The following ADGRL2 variants were observed in gnomAD, a reference collection of about 807,000 sequenced individuals.
The protein encoded by ADGRL2 is adhesion G protein-coupled receptor L2.
Under a neutral mutation model 157.4 loss-of-function variants are expected in ADGRL2, and 44 were observed. The ratio of observed to expected loss-of-function variants is 0.28; its 90% confidence interval spans 0.22 to 0.36. The LOEUF is 0.36. ADGRL2 is among the 10% of genes least tolerant of loss of function. The pLI, the probability that ADGRL2 is intolerant of heterozygous loss-of-function variation, is 1.00. For missense variants in ADGRL2, 1,510 were observed against 1,768.9 expected (o/e 0.85, Z 2.63); for synonymous variants, 585 against 624.7 (o/e 0.94, Z 0.95).
intron 2 of ADGRL2, among the ~76,000 whole-genome samples, chr1:81,783,479 A>G (rs796946224): frequency 6.7e-4 from 102 of 151,858 alleles, no homozygotes; most frequent in African/African-American, 2.3e-3. Context: ...CTTTGCCTCT[A>G]TCTTCTTCTT....
At chr1:81,819,268 T>C (rs1399060404) in intron 1 of ADGRL2, among the ~76,000 whole-genome samples, 1 of 152,060 alleles carries the variant, frequency 6.6e-6, no homozygotes, top group East Asian at 1.9e-4. Context: ...TTTGATTGAA[T>C]GCGAGGTAAA....
Position 81,865,939 on chromosome 1 carries a change from A to G in ADGRL2, c.73+28882A>G, listed in dbSNP as rs147370536. On this transcript the variant is annotated intron_variant, in intron 2 of 23. Transcript: ENST00000686636. ...ATGAAAACTTTTTGTGCCAACAGTC[A>G]TAAAATAGGGATCTTATTTTCTCCA... 4.0e-3 allele frequency among the ~76,000 whole-genome samples: 613 copies of G among 152,354 alleles called. 4 individuals carry two copies. Among genetic ancestry groups the G allele is most frequent in the African/African-American group, 0.013 (554 of 41,588 alleles).
intron 3 of ADGRL2, among the ~76,000 whole-genome samples, chr1:81,621,434 GAT>G (rs1317812177): frequency 1.3e-5 from 2 of 152,176 alleles, no homozygotes; most frequent in Non-Finnish European, 2.9e-5. Context: ...TGGAAAGAGA[GAT>G]TTTCCTGCTG....
chr1:81,634,940 C>T (rs2082087772), intron 3 of ADGRL2, among the ~76,000 whole-genome samples: 1 of 152,184 alleles, frequency 6.6e-6, no homozygotes, highest in Non-Finnish European at 1.5e-5. Flanking sequence ...AGCACTGTGT[C>T]TCTTTTTGTG....
rs112584230 is a variant in ADGRL2 at position 81,409,879 on chromosome 1, TC to T, written c.-301-35156del. On this transcript the variant is annotated intron_variant, in intron 1 of 24. Coordinates refer to the ADGRL2 transcript ENST00000370721. Reference sequence around the variant, plus strand: ...CAAGAGAGCACAGACACTTTGAAAATCTGCCCTTTTAGCCCCTGCCTTTGGT... The same window carrying T: ...CAAGAGAGCACAGACACTTTGAAAATTGCCCTTTTAGCCCCTGCCTTTGGT... Among the ~76,000 whole-genome samples the T allele has an allele frequency of 6.1e-3, 924 of 152,288 alleles. 10 individuals carry two copies. Among genetic ancestry groups the T allele is most frequent in the African/African-American group, 0.022 (895 of 41,544 alleles).
intron 1 of ADGRL2, among the ~76,000 whole-genome samples, chr1:81,421,882 A>G (rs1447888990): frequency 1.3e-5 from 2 of 152,190 alleles, no homozygotes; most frequent in Non-Finnish European, 2.9e-5. Flanking sequence ...TTTTTATGGC[A>G]TGCTTATTTT....
At chr1:81,553,389 A>C (rs946662410) in intron 2 of ADGRL2, among the ~76,000 whole-genome samples, 1 of 152,214 alleles carries the variant, frequency 6.6e-6, no homozygotes, top group South Asian at 2.1e-4. Context: ...CAGCTATGCA[A>C]AAATTTTTCA....
At chr1:81,779,793 T>C (rs1304605192) in intron 2 of ADGRL2, among the ~76,000 whole-genome samples, 1 of 152,152 alleles carries the variant, frequency 6.6e-6, no homozygotes, top group Non-Finnish European at 1.5e-5. Flanking sequence ...TTCCAATCAT[T>C]TCCATTTTAC....
chr1:81,332,346 A>T (rs994328547), intron 1 of ADGRL2, among the ~76,000 whole-genome samples: 3 of 152,128 alleles, frequency 2.0e-5, no homozygotes, highest in Admixed American at 6.6e-5. Flanking sequence ...TTTTATTATT[A>T]GTATATTTGA....
intron 2 of ADGRL2, among the ~76,000 whole-genome samples, chr1:81,540,341 A>T (rs1385919485): frequency 6.6e-6 from 1 of 152,230 alleles, no homozygotes; most frequent in East Asian, 1.9e-4. Context: ...TAATGCTTTT[A>T]AACAAATATG....
rs575553799 is a variant in ADGRL2 at position 81,498,070 on chromosome 1, T to C, written c.-248+52981T>C. On this transcript the variant is annotated intron_variant, in intron 2 of 24. Transcript: ENST00000370721. Reference sequence around the variant, plus strand: ...AATAATAATAATAATAATAAATGAATGTAGGAACCCTCATTATGAATGAGC... The same window carrying C: ...AATAATAATAATAATAATAAATGAACGTAGGAACCCTCATTATGAATGAGC... Among the ~76,000 whole-genome samples the C allele has an allele frequency of 5.3e-5, 8 of 152,208 alleles. No homozygotes were observed. In the South Asian group the frequency reaches 1.5e-3, roughly 28 times the overall value.
At chr1:81,668,340 G>T (rs771200257) in intron 3 of ADGRL2, among the ~76,000 whole-genome samples, 1 of 151,422 alleles carries the variant, frequency 6.6e-6, no homozygotes, top group African/African-American at 2.4e-5. Context: ...CAGAAGAATC[G>T]CATGAACCTG....
rs758334969 is a variant in ADGRL2 at position 81,990,507 on chromosome 1, G to A, written c.3772G>A (p.Val1258Met). The A allele has an allele frequency of 6.2e-7, 1 of 1,614,114 alleles. No homozygotes were observed. The highest frequency in any genetic ancestry group is 8.5e-7 in the Non-Finnish European group (1 of 1,179,992). The change falls in exon 24 of 24, where the codon GTG becomes ATG. Residue 1258 changes from valine to methionine, a missense_variant. Val to Met is a conservative substitution (Grantham distance 21). Transcript: ENST00000686636. ...TGACTATAATGACAGCGTGCAAGTT[G>A]TGGACTGTGGACTAAGTCTGAATGA... The part of the protein sequence containing the change: ...KGDYNDSVQV[V>M]DCGLSLNDTA...
At chr1:81,825,399 A>C (rs955470347) in intron 1 of ADGRL2, among the ~76,000 whole-genome samples, 2 of 151,932 alleles carry the variant, frequency 1.3e-5, no homozygotes, top group African/African-American at 4.8e-5. Flanking sequence ...GCCAGGCTGG[A>C]GTGCAGTGGC....
At chr1:81,322,565 C>T (rs1030337525) in intron 1 of ADGRL2, among the ~76,000 whole-genome samples, 5 of 151,998 alleles carry the variant, frequency 3.3e-5, no homozygotes, top group African/African-American at 1.2e-4. Flanking sequence ...AGAATACCAC[C>T]ACCTTAGGCT....
At chr1:81,682,875 T>C (rs904863125) in intron 3 of ADGRL2, among the ~76,000 whole-genome samples, 23 of 152,208 alleles carry the variant, frequency 1.5e-4, no homozygotes, top group African/African-American at 5.3e-4. Flanking sequence ...CTCACGCCTG[T>C]AATCCCAGCA....
chr1:81,863,916 C>CT (rs1206565126), intron 2 of ADGRL2, among the ~76,000 whole-genome samples: 1 of 152,084 alleles, frequency 6.6e-6, no homozygotes, highest in Non-Finnish European at 1.5e-5. Flanking sequence ...GCAGTAGATA[C>CT]TTTCTTTTTC....
intron 2 of ADGRL2, among the ~76,000 whole-genome samples, chr1:81,468,869 A>G (rs1160138505): frequency 1.3e-5 from 2 of 152,226 alleles, no homozygotes; most frequent in South Asian, 4.1e-4. Flanking sequence ...GAGAAAATCC[A>G]GTGCATCACA....
At chr1:81,737,075 C>T (rs754739880) in intron 1 of ADGRL2, among the ~76,000 whole-genome samples, 1 of 151,932 alleles carries the variant, frequency 6.6e-6, no homozygotes, top group African/African-American at 2.4e-5. Context: ...ACCTCATGAT[C>T]CACCTGCCTC....
Sources: gnomAD v4.1 joint callset for allele counts (sites outside exome capture counted in the v4.1 genomes callset) on GRCh38, gnomAD v4.1.1 for gene constraint, MANE v1.5 for transcripts, NCBI Gene and HGNC (gene_info 2026-07-23, HGNC 2026-07-21) for gene names.